NALF1: variants seen among roughly 807,000 people sequenced by gnomAD.
The protein encoded by NALF1 is NALCN channel auxiliary factor 1.
NALF1 carries 3 observed loss-of-function variants against 48.4 expected under a neutral mutation model. That is an observed-to-expected ratio of 0.06 (90% CI 0.03 to 0.16). The LOEUF (loss-of-function observed/expected upper bound fraction) is 0.16, where lower values mean the gene tolerates loss of function less well. Among genes scored for constraint, NALF1 ranks in the 10% least tolerant of loss-of-function variants. NALF1 has a pLI of 1.00. For synonymous variants in NALF1, 262 were observed against 245.7 expected, an observed-to-expected ratio of 1.07 and a Z score of -0.62; for missense variants, 526 against 571.5, an observed-to-expected ratio of 0.92 and a Z score of 0.81.
chr13:107,866,227 A>AGAG lies in NALF1; in HGVS notation c.367_369dup (p.Leu123dup). On this transcript the variant is annotated inframe_insertion, in exon 1 of 3. Coordinates refer to ENST00000375915, the MANE Select transcript of NALF1 (RefSeq NM_001080396.3). This position sits in a 1 kb window ranked among gnomAD's most constrained non-coding sequence, Gnocchi z 4.4. ...GGCAGGGTGGGGGACGAGGAGGCGG[A>AGAG]GAGGAGTCTGTGTGCCTGGGCGGCG... 1 of 1,595,556 alleles carries AGAG rather than the reference A, an allele frequency of 6.3e-7. No homozygotes were observed.
chr13:107,401,692 GA>G (rs5806653), intron 1 of NALF1, among the ~76,000 whole-genome samples: 70,168 of 147,296 alleles, frequency 0.48, 16,476 homozygotes, highest in Admixed American at 0.52. Context: ...TTGTTACTTT[GA>G]AAAAAAAAAA....
chr13:107,634,599 G>A (rs1879925033), intron 1 of NALF1, among the ~76,000 whole-genome samples: 1 of 152,044 alleles, frequency 6.6e-6, no homozygotes, highest in Non-Finnish European at 1.5e-5. Flanking sequence ...AAAGGATTCA[G>A]AAAACCAGAC....
intron 1 of NALF1, among the ~76,000 whole-genome samples, chr13:107,398,638 C>A (rs6492051): frequency 6.6e-6 from 1 of 151,904 alleles, no homozygotes; most frequent in Non-Finnish European, 1.5e-5. Context: ...TGATAATAAG[C>A]AAACTTGACT....
At chr13:107,611,727 A>G (rs1255152278) in intron 1 of NALF1, among the ~76,000 whole-genome samples, 2 of 151,796 alleles carry the variant, frequency 1.3e-5, no homozygotes, top group African/African-American at 4.8e-5. Context: ...CAAAAAGTAA[A>G]AAGAAGAAAA....
rs528841009 is a variant in NALF1, at chr13:107,400,607, G to A, written c.916-189852C>T. On this transcript the variant is annotated intron_variant, in intron 1 of 2. Transcript: ENST00000375915. ...GTGTGCCTGTAATCCCAGCTATTCA[G>A]GAGGCTGAGGCAGGAGAATCAGGGA... 3.3e-5 allele frequency among the ~76,000 whole-genome samples: 5 copies of A among 152,172 alleles called. No individual in the cohort carries two copies. The South Asian group carries it at 6.2e-4, about 19-fold the overall frequency.
Position 107,696,551 on chromosome 13 carries a change from A to AGTGTGT in NALF1, c.915+169125_915+169130dup, listed in dbSNP as rs58345595. 6.5e-3 allele frequency among the ~76,000 whole-genome samples: 949 copies of AGTGTGT among 146,912 alleles called. 7 individuals carry two copies. Among genetic ancestry groups the AGTGTGT allele is most frequent in the Non-Finnish European group, 7.3e-3 (482 of 66,408 alleles). ...TGAAGTACTTAACATCTCCAAGTTG[A>AGTGTGT]GTGTGTGTGTGTGTGTGTGTGTGTG... On this transcript the variant is annotated intron_variant, in intron 1 of 2. Transcript: ENST00000375915.
At chr13:107,418,023 T>G (rs1271235758) in intron 1 of NALF1, among the ~76,000 whole-genome samples, 1 of 152,190 alleles carries the variant, frequency 6.6e-6, no homozygotes, top group Non-Finnish European at 1.5e-5. Context: ...ATCACGCCAT[T>G]GAACTCCAGG....
Position 107,308,191 on chromosome 13 carries a change from T to C in NALF1, c.916-97436A>G, listed in dbSNP as rs573118707. On this transcript the variant is annotated intron_variant, in intron 1 of 2. Coordinates refer to ENST00000375915, the MANE Select transcript of NALF1 (RefSeq NM_001080396.3). Reference sequence around the variant, plus strand: ...TTCTGTATTACTTTTTTGTATTTTGTGTCTATGCTTTTTTTTTTTTTTTTT... The same window carrying C: ...TTCTGTATTACTTTTTTGTATTTTGCGTCTATGCTTTTTTTTTTTTTTTTT... 2.6e-3 allele frequency among the ~76,000 whole-genome samples: 379 copies of C among 148,158 alleles called. 1 individual carries two copies. The highest frequency in any genetic ancestry group is 8.7e-3 in the African/African-American group (355 of 40,826).
chr13:107,514,122 G>A (rs1011610826), intron 1 of NALF1, among the ~76,000 whole-genome samples: 1 of 152,166 alleles, frequency 6.6e-6, no homozygotes. Context: ...TTTTGCAAAT[G>A]CTACGTAAGC....
At chr13:107,486,486 G>A (rs747554515) in intron 1 of NALF1, among the ~76,000 whole-genome samples, 12 of 152,150 alleles carry the variant, frequency 7.9e-5, no homozygotes, top group Non-Finnish European at 1.2e-4. Flanking sequence ...CCTCTTTTCC[G>A]GATCCCCACA....
At position 107,170,673 on chromosome 13, in the gene NALF1, T is replaced by C; in HGVS notation, c.1201A>G (p.Arg401Gly). 6.2e-7 allele frequency: 1 copy of C among 1,614,228 alleles called. No individual in the cohort carries two copies. The highest frequency in any genetic ancestry group is 1.1e-5 in the South Asian group (1 of 91,086). The change falls in exon 3 of 3, where the codon AGG (arginine) becomes GGG (glycine). Residue 401 changes from arginine (R) to glycine (G), a missense_variant. Coordinates refer to ENST00000375915, the MANE Select transcript of NALF1 (RefSeq NM_001080396.3). Reference protein sequence around the residue: ...GTVEKSGSCHRTSLTVSSATR... With the variant: ...GTVEKSGSCHGTSLTVSSATR... Reference sequence around the variant, plus strand: ...GCTGATGACACTGTGAGCGATGTCCTGTGACAGGAGCCACTTTTCTCTACG... The same window carrying C: ...GCTGATGACACTGTGAGCGATGTCCCGTGACAGGAGCCACTTTTCTCTACG...
At chr13:107,640,581 T>C (rs1026689905) in intron 1 of NALF1, among the ~76,000 whole-genome samples, 1 of 152,196 alleles carries the variant, frequency 6.6e-6, no homozygotes, top group African/African-American at 2.4e-5. Flanking sequence ...ATAGACCAAG[T>C]GTTCTTCAGA....
chr13:107,352,901 C>T (rs977324581), intron 1 of NALF1, among the ~76,000 whole-genome samples: 1 of 152,146 alleles, frequency 6.6e-6, no homozygotes, highest in African/African-American at 2.4e-5. Context: ...CTAGGAATCT[C>T]GTCACATAAC....
At chr13:107,207,465 T>C (rs894326182) in intron 2 of NALF1, among the ~76,000 whole-genome samples, 7 of 152,326 alleles carry the variant, frequency 4.6e-5, no homozygotes, top group East Asian at 1.9e-4. Flanking sequence ...CTAGTTTCCT[T>C]AGACGCATGA....
chr13:107,694,478 T>C (rs1881653058), intron 1 of NALF1, among the ~76,000 whole-genome samples: 2 of 152,174 alleles, frequency 1.3e-5, no homozygotes, highest in Non-Finnish European at 2.9e-5. Context: ...GAATGAATTA[T>C]TGAAAAATCT....
chr13:107,274,107 T>A (rs1307469111), intron 1 of NALF1, among the ~76,000 whole-genome samples: 2 of 152,142 alleles, frequency 1.3e-5, no homozygotes, highest in South Asian at 2.1e-4. Context: ...TGAAACTACA[T>A]CCTGGTGAAA....
chr13:107,430,178 T>C (rs1320096167), intron 1 of NALF1, among the ~76,000 whole-genome samples: 2 of 152,186 alleles, frequency 1.3e-5, no homozygotes, highest in African/African-American at 2.4e-5. Flanking sequence ...TGAAAAGCTA[T>C]TTCATAGCAA....
chr13:107,419,690 T>C (rs1431015641), intron 1 of NALF1, among the ~76,000 whole-genome samples: 5 of 152,184 alleles, frequency 3.3e-5, no homozygotes, highest in African/African-American at 9.7e-5. Context: ...TCTAAATTCT[T>C]TCAAAATCTT....
chr13:107,372,645 A>C (rs1186356306), intron 1 of NALF1, among the ~76,000 whole-genome samples: 1 of 152,232 alleles, frequency 6.6e-6, no homozygotes, highest in Non-Finnish European at 1.5e-5. Flanking sequence ...TTAGAGATGG[A>C]GTAAATCAAT....
Sources: allele counts gnomAD v4.1 joint callset (sites outside exome capture counted in the v4.1 genomes callset), GRCh38; gene constraint gnomAD v4.1.1; non-coding constraint Gnocchi (gnomAD v3.1); transcripts MANE v1.5; gene names NCBI Gene and HGNC (gene_info 2026-07-23, HGNC 2026-07-21).